The following NRIP1 variants were observed in gnomAD, a reference collection of about 807,000 sequenced individuals.
NRIP1 encodes the protein nuclear receptor interacting protein 1, also known as nuclear receptor-interacting protein 1.
In NRIP1, 28 loss-of-function variants were observed where a neutral mutation model predicts 75.0. The ratio of observed to expected loss-of-function variants is 0.37; its 90% CI spans 0.28 to 0.51. The LOEUF is 0.51. Ranked by LOEUF, NRIP1 falls within the 20% of genes least tolerant of loss-of-function variation. The probability of loss-of-function intolerance (pLI) is 0.92; values close to 1 mark genes in which losing one functional copy is unlikely to be tolerated. For synonymous variants in NRIP1, 526 were observed against 487.6 expected (o/e 1.08, Z -1.04); for missense variants, 1,435 against 1,343.7 (o/e 1.07, Z -1.06).
chr21:14,990,968 T>C (rs1051479234), intron 3 of NRIP1, among the ~76,000 whole-genome samples: 1 of 152,176 alleles, frequency 6.6e-6, no homozygotes. Flanking sequence ...CTAAGGGCTC[T>C]ACGTGCTTCT....
chr21:14,996,885 CATGAT>C (rs1343377595), intron 3 of NRIP1, among the ~76,000 whole-genome samples: 2 of 151,644 alleles, frequency 1.3e-5, no homozygotes, highest in Admixed American at 6.6e-5. Flanking sequence ...AAGATGCTTA[CATGAT>C]ATAATTTTTG....
At chr21:15,051,178 G>A (rs1346697804) in intron 1 of NRIP1, 3 of 311,632 alleles carry the variant, frequency 9.6e-6, no homozygotes, top group African/African-American at 6.5e-5. Context: ...GTGCCTCCGA[G>A]AACTCATGAG....
chr21:14,977,240 A>C (rs917347353), intron 3 of NRIP1, among the ~76,000 whole-genome samples: 2 of 152,218 alleles, frequency 1.3e-5, no homozygotes, highest in African/African-American at 2.4e-5. Context: ...CATACTAAGA[A>C]GATTCCAAAG....
intron 3 of NRIP1, among the ~76,000 whole-genome samples, chr21:14,987,369 T>A (rs1256392145): frequency 6.6e-6 from 1 of 152,178 alleles, no homozygotes; most frequent in Non-Finnish European, 1.5e-5. Flanking sequence ...CTATAATCTG[T>A]TGAGTTTTAG....
intron 3 of NRIP1, among the ~76,000 whole-genome samples, chr21:14,998,481 A>G (rs930386434): frequency 2.6e-5 from 4 of 152,230 alleles, no homozygotes; most frequent in East Asian, 1.9e-4. Context: ...AGCCATGACT[A>G]TATTATTAAA....
At chr21:15,024,150 C>T (rs866778313) in intron 2 of NRIP1, among the ~76,000 whole-genome samples, 18 of 152,236 alleles carry the variant, frequency 1.2e-4, no homozygotes, top group South Asian at 6.2e-4. Flanking sequence ...ATATGCAAAG[C>T]GTTAAGATTA....
chr21:15,054,695 T>C (rs1479799582), intron 1 of NRIP1, among the ~76,000 whole-genome samples: 1 of 152,226 alleles, frequency 6.6e-6, no homozygotes, highest in Non-Finnish European at 1.5e-5. Flanking sequence ...GTTCTACTGC[T>C]GTGCCAAATT....
At chr21:14,993,016 TGA>T (rs1568964621) in intron 3 of NRIP1, among the ~76,000 whole-genome samples, 1 of 152,164 alleles carries the variant, frequency 6.6e-6, no homozygotes, top group African/African-American at 2.4e-5. Context: ...AGCAAACTTA[TGA>T]GAGAGAAGGG....
chr21:15,012,447 C>CTTTGTTTT (rs2088126119), intron 3 of NRIP1, among the ~76,000 whole-genome samples: 1 of 79,366 alleles, frequency 1.3e-5, no homozygotes, highest in African/African-American at 5.1e-5. Context: ...ATTATAATGT[C>CTTTGTTTT]TTTTTTTTTT....
At chr21:15,044,982 A>G (rs983284606) in intron 1 of NRIP1, among the ~76,000 whole-genome samples, 3 of 152,234 alleles carry the variant, frequency 2.0e-5, no homozygotes, top group Non-Finnish European at 4.4e-5. Flanking sequence ...TAAAAATATA[A>G]AAGAGAAGAC....
rs55916377 is a variant in NRIP1, at chr21:14,995,766, C to CGTGT, written c.-335+18574_-335+18577dup. On this transcript the variant is annotated intron_variant, in intron 3 of 3. Coordinates refer to ENST00000318948, the MANE Select transcript of NRIP1 (RefSeq NM_003489.4). ...GTGATAACTGGTTTAGCTGTGTGTG[C>CGTGT]GTGTGTGTGTGTGTGTGTGTGTATT... Among the ~76,000 whole-genome samples the CGTGT allele has an allele frequency of 1.2e-3, 180 of 149,460 alleles. 1 individual carries two copies. The highest frequency in any genetic ancestry group is 3.8e-3 in the South Asian group (18 of 4,702).
At chr21:15,007,486 TG>T (rs546977244) in intron 3 of NRIP1, among the ~76,000 whole-genome samples, 77 of 152,286 alleles carry the variant, frequency 5.1e-4, no homozygotes, top group African/African-American at 1.7e-3. Context: ...ATAAACACTG[TG>T]CTAAAAAAAT....
At chr21:14,992,767 T>A (rs996129095) in intron 3 of NRIP1, 5 of 152,218 alleles carry the variant, frequency 3.3e-5, no homozygotes, top group African/African-American at 1.2e-4. Flanking sequence ...CCAAAAATGT[T>A]ATTCAATAAC....
At chr21:15,047,377 T>C (rs1425127591) in intron 1 of NRIP1, among the ~76,000 whole-genome samples, 2 of 151,956 alleles carry the variant, frequency 1.3e-5, no homozygotes, top group African/African-American at 4.8e-5. Context: ...CCATCTCTAC[T>C]AAAAATCAAA....
chr21:14,986,307 T>G (rs770781732), intron 3 of NRIP1, among the ~76,000 whole-genome samples: 1 of 152,156 alleles, frequency 6.6e-6, no homozygotes, highest in Non-Finnish European at 1.5e-5. Flanking sequence ...AACTGAAACC[T>G]GAAAAACTAA....
chr21:14,981,162 C>T (rs1307836983), intron 3 of NRIP1, among the ~76,000 whole-genome samples: 1 of 152,214 alleles, frequency 6.6e-6, no homozygotes, highest in East Asian at 1.9e-4. Flanking sequence ...TGCAGAAATT[C>T]TATGTCTTTA....
At chr21:15,037,930 A>C (rs1008768974) in intron 2 of NRIP1, among the ~76,000 whole-genome samples, 4 of 152,178 alleles carry the variant, frequency 2.6e-5, no homozygotes, top group African/African-American at 9.6e-5. Flanking sequence ...TACTGCAGTA[A>C]CTATCTAATA....
intron 2 of NRIP1, among the ~76,000 whole-genome samples, chr21:15,029,765 A>C (rs1003354286): frequency 6.6e-6 from 1 of 152,080 alleles, no homozygotes; most frequent in Non-Finnish European, 1.5e-5. Flanking sequence ...GTGGTGAGCT[A>C]TGCTAACCCC....
rs146982749 is a variant in NRIP1 at position 15,007,849 on chromosome 21, C to T, written c.-335+6495G>A. Reference sequence around the variant, plus strand: ...TAAAAACTACCCAACATTCTATCAGCTTCATGTTTTTAGATGATCACTCAT... The same window carrying T: ...TAAAAACTACCCAACATTCTATCAGTTTCATGTTTTTAGATGATCACTCAT... On this transcript the variant is annotated intron_variant, in intron 3 of 3. Coordinates refer to ENST00000318948, the MANE Select transcript of NRIP1 (RefSeq NM_003489.4). 1.6e-3 allele frequency among the ~76,000 whole-genome samples: 237 copies of T among 152,312 alleles called. 1 individual carries two copies. Among genetic ancestry groups the T allele is most frequent in the African/African-American group, 5.6e-3 (233 of 41,568 alleles).
Sources: gnomAD v4.1 joint callset for allele counts (sites outside exome capture counted in the v4.1 genomes callset) on GRCh38, gnomAD v4.1.1 for gene constraint, MANE v1.5 for transcripts, NCBI Gene and HGNC (gene_info 2026-07-23, HGNC 2026-07-21) for gene names.